KDM2B: variants seen among roughly 807,000 people sequenced by gnomAD.
KDM2B encodes lysine demethylase 2B, also known as lysine-specific demethylase 2B.
KDM2B carries 26 observed loss-of-function variants against 150.0 expected under a neutral mutation model. The ratio of observed to expected loss-of-function variants is 0.17; its 90% confidence interval spans 0.13 to 0.24. The LOEUF is 0.24. Among genes scored for constraint, KDM2B ranks in the 10% least tolerant of loss-of-function variants. KDM2B has a pLI of 1.00. For synonymous variants in KDM2B, 734 were observed against 729.5 expected, an observed-to-expected ratio of 1.01 and a Z score of -0.10; for missense variants, 1,265 against 1,816.9, an observed-to-expected ratio of 0.70 and a Z score of 5.52.
At chr12:121,436,413 C>T (rs543372765) in intron 22 of KDM2B, among the ~76,000 whole-genome samples, 8 of 151,612 alleles carry the variant, frequency 5.3e-5, no homozygotes, top group Middle Eastern at 3.4e-3. Context: ...CCCAGCTACT[C>T]GGGAGGCTGA....
intron 11 of KDM2B, among the ~76,000 whole-genome samples, chr12:121,506,632 A>G (rs2140774573): frequency 6.6e-6 from 1 of 151,904 alleles, no homozygotes; most frequent in Admixed American, 6.6e-5. Flanking sequence ...TGAAACCCCC[A>G]TCTCTACTAA....
chr12:121,408,656 A>G, the KDM2B span, among the ~76,000 whole-genome samples: 1 of 152,154 alleles, frequency 6.6e-6, no homozygotes, highest in African/African-American at 2.4e-5. Flanking sequence ...AAGGAGAGCC[A>G]GGTAGATGGA....
At chr12:121,519,542 G>A (rs1418812935) in intron 9 of KDM2B, among the ~76,000 whole-genome samples, 1 of 152,202 alleles carries the variant, frequency 6.6e-6, no homozygotes, top group Non-Finnish European at 1.5e-5. Flanking sequence ...AAGGCCACAT[G>A]TTGAATGACT....
At position 121,467,007 on chromosome 12, in the gene KDM2B, G is replaced by GGCCCGGCCCCGGCC. The variant is rs1464797817; in HGVS notation, c.1735-13677_1735-13664dup. 2 of 265,528 alleles carry GGCCCGGCCCCGGCC rather than the reference G, an allele frequency of 7.5e-6. No homozygotes were observed. Among genetic ancestry groups the GGCCCGGCCCCGGCC allele is most frequent in the East Asian group, 3.5e-4 (2 of 5,658 alleles). 16.4% of individuals were successfully genotyped at this position (265,528 alleles called of 1,614,324 possible). A position where few individuals can be genotyped will look rare whatever the true frequency, so the allele number is the denominator to read the frequency against. On this transcript the variant is annotated intron_variant, in intron 12 of 22. Transcript: ENST00000377071. This position sits in a 1 kb window ranked among gnomAD's most constrained non-coding sequence, Gnocchi z 5.1. ...GCCGCGCTCCTCTACGCCCCGCTCGGGCCCGGCCCCGGCCGCCCCGCCGGC... is the reference window on the plus strand; with the variant it reads ...GCCGCGCTCCTCTACGCCCCGCTCGGGCCCGGCCCCGGCCGCCCGGCCCCGGCCGCCCCGCCGGC...
At chr12:121,516,480 CGCCT>C in intron 9 of KDM2B, 5 of 1,356,124 alleles carry the variant, frequency 3.7e-6, no homozygotes, top group Non-Finnish European at 4.8e-6. Context: ...AACAGGTTGT[CGCCT>C]TCCACCCTTC....
chr12:121,444,293 A>T, intron 15 of KDM2B, 21 bp from the exon 16 acceptor site: 1 of 1,613,302 alleles, frequency 6.2e-7, no homozygotes, highest in Non-Finnish European at 8.5e-7. Context: ...AAAAAGAGAG[A>T]ATGAACAGAC....
intron 6 of KDM2B, among the ~76,000 whole-genome samples, chr12:121,541,242 A>C (rs561273973): frequency 6.6e-6 from 1 of 151,906 alleles, no homozygotes; most frequent in African/African-American, 2.4e-5. Context: ...AAAATAAATA[A>C]ATAAATAAGC....
chr12:121,529,300 T>C (rs1261938284), intron 8 of KDM2B, among the ~76,000 whole-genome samples: 1 of 152,166 alleles, frequency 6.6e-6, no homozygotes, highest in African/African-American at 2.4e-5. Flanking sequence ...GATGAAAGTC[T>C]TCCTAAACCA....
chr12:121,519,017 G>A, intron 9 of KDM2B, among the ~76,000 whole-genome samples: 1 of 152,182 alleles, frequency 6.6e-6, no homozygotes, highest in East Asian at 1.9e-4. Flanking sequence ...GTGGGCCACA[G>A]AGAGGTGAGG....
At chr12:121,457,295 T>C (rs1289582377) in intron 12 of KDM2B, among the ~76,000 whole-genome samples, 4 of 152,172 alleles carry the variant, frequency 2.6e-5, no homozygotes, top group South Asian at 2.1e-4. Flanking sequence ...AGAGTCTCAC[T>C]GTGTCACCCA....
chr12:121,494,455 C>T (rs1883688515), intron 12 of KDM2B, 124 bp downstream of exon 12: 1 of 650,280 alleles, frequency 1.5e-6, no homozygotes, highest in Non-Finnish European at 2.7e-6. Flanking sequence ...AATCCTTCAT[C>T]TTAACTGCGG....
chr12:121,483,812 C>A (rs182747564), intron 12 of KDM2B, among the ~76,000 whole-genome samples: 5 of 152,050 alleles, frequency 3.3e-5, no homozygotes, highest in African/African-American at 1.2e-4. Context: ...AGGATCTTGG[C>A]AGGAATCGGA....
intron 9 of KDM2B, among the ~76,000 whole-genome samples, chr12:121,517,319 T>TG (rs1217010013): frequency 6.6e-6 from 1 of 152,060 alleles, no homozygotes; most frequent in Non-Finnish European, 1.5e-5. Flanking sequence ...TGCCACCTCA[T>TG]GGGCAGTGAC....
At chr12:121,544,524 C>T (rs533711988) in intron 6 of KDM2B, among the ~76,000 whole-genome samples, 9 of 151,796 alleles carry the variant, frequency 5.9e-5, no homozygotes, top group African/African-American at 9.7e-5. Context: ...GCAGGAGAAT[C>T]GCTTGATCCC....
In KDM2B at chr12:121,509,774, A is replaced by G; in HGVS notation, c.1440T>C (p.Ser480=). ...CTACGGCCAATGTGGTGGACTTCACACTTTCCTCCGACTCATTAGACAAAG... is the reference window on the plus strand; with the variant it reads ...CTACGGCCAATGTGGTGGACTTCACGCTTTCCTCCGACTCATTAGACAAAG... The part of the protein sequence containing the change: ...KRTLSNESEE[S]VKSTTLAVDY... The change falls in exon 11 of 23, where the codon AGT becomes AGC. Residue 480 remains serine, a synonymous_variant. Transcript: ENST00000377071. The G allele has an allele frequency of 1.9e-6, 3 of 1,613,976 alleles. No homozygotes were observed. The highest frequency in any genetic ancestry group is 1.3e-5 in the African/African-American group (1 of 74,988).
intron 6 of KDM2B, among the ~76,000 whole-genome samples, chr12:121,535,770 C>A (rs767508186): frequency 6.6e-6 from 1 of 152,156 alleles, no homozygotes; most frequent in Non-Finnish European, 1.5e-5. Flanking sequence ...CCCTTCCTTG[C>A]AGAAACACCC....
Position 121,549,159 on chromosome 12 carries a change from G to A in KDM2B, c.577-176C>T, listed in dbSNP as rs1370428537. Among the ~76,000 whole-genome samples the A allele has an allele frequency of 2.0e-5, 3 of 152,214 alleles. No individual in the cohort carries two copies. Among genetic ancestry groups the A allele is most frequent in the Non-Finnish European group, 4.4e-5 (3 of 68,048 alleles). ...GACAGGACCCACACTTTGTAGAAGG[G>A]AAGGAGATGAAACAGTCGCTGGGGG... On this transcript the variant is annotated intron_variant, in intron 5 of 22. Coordinates refer to ENST00000377071, the MANE Select transcript of KDM2B (RefSeq NM_032590.5). This position sits in a 1 kb window ranked among gnomAD's most constrained non-coding sequence, Gnocchi z 4.4.
rs537766315 is a variant in KDM2B at position 121,429,332 on chromosome 12, A to G, written c.*956T>C. On this transcript the variant is annotated 3_prime_UTR_variant, in exon 23 of 23. Coordinates refer to ENST00000377071, the MANE Select transcript of KDM2B (RefSeq NM_032590.5). ...TGTTACAAACCTAAATGAGAACTCA[A>G]CTCACACTTCAGAGGAGAGAAGCAA... is the stretch of plus-strand genomic sequence containing the variant. The G allele has an allele frequency of 6.5e-6, 1 of 152,822 alleles. No individual in the cohort carries two copies. Among genetic ancestry groups the G allele is most frequent in the African/African-American group, 2.4e-5 (1 of 41,576 alleles). 9.5% of individuals were successfully genotyped at this position (152,822 alleles called of 1,614,324 possible).
At chr12:121,471,485 A>T (rs2139664571) in intron 12 of KDM2B, among the ~76,000 whole-genome samples, 1 of 152,242 alleles carries the variant, frequency 6.6e-6, no homozygotes, top group East Asian at 1.9e-4. Flanking sequence ...GGCTGCTAAG[A>T]GGTTTTGCCC....
Sources: gnomAD v4.1 joint callset for allele counts (sites outside exome capture counted in the v4.1 genomes callset) on GRCh38, gnomAD v4.1.1 for gene constraint, Gnocchi (gnomAD v3.1) non-coding constraint, MANE v1.5 for transcripts, NCBI Gene and HGNC (gene_info 2026-07-23, HGNC 2026-07-21) for gene names.